INTS2: variants seen among roughly 807,000 people sequenced by gnomAD.
The protein encoded by INTS2 is integrator complex subunit 2.
INTS2 carries 57 observed loss-of-function variants against 139.6 expected under a neutral mutation model. The ratio of observed to expected loss-of-function variants is 0.41; its 90% confidence interval spans 0.33 to 0.51. INTS2 has a LOEUF of 0.51. Among genes scored for constraint, INTS2 ranks in the 20% least tolerant of loss-of-function variants. The pLI is 0.28. For missense variants in INTS2, 1,196 were observed against 1,436.7 expected (o/e 0.83, Z 2.71); for synonymous variants, 473 against 493.4 (o/e 0.96, Z 0.55).
In INTS2 at chr17:61,875,161, C is replaced by G; in HGVS notation, c.2457-123G>C. 1 of 650,132 alleles carries G rather than the reference C, an allele frequency of 1.5e-6. No individual in the cohort carries two copies. The highest frequency in any genetic ancestry group is 2.3e-6 in the Non-Finnish European group (1 of 432,768). The allele number at this position is 650,132 out of a possible 1,614,324, so 40.3% of individuals were successfully genotyped here. Reference sequence around the variant, plus strand: ...TAATTAGAAAATACATATGAATGAACTTTGAAAAAATTTAAGCTACAGACA... The same window carrying G: ...TAATTAGAAAATACATATGAATGAAGTTTGAAAAAATTTAAGCTACAGACA... On this transcript the variant is annotated intron_variant, in intron 18 of 24. Coordinates refer to ENST00000251334, the MANE Select transcript of INTS2 (RefSeq NM_001351695.2). The surrounding 1 kb of genome is among the most constrained non-coding windows in gnomAD (Gnocchi z 4.6).
At chr17:61,877,848 T>A in intron 18 of INTS2, 39 bp downstream of exon 18, 2 of 1,500,734 alleles carry the variant, frequency 1.3e-6, no homozygotes, top group African/African-American at 1.4e-5. Context: ...ATCCCTGCTA[T>A]ATAATTATCT....
rs2079509187 is a variant in INTS2, at chr17:61,909,889, A to G, written c.954+1631T>C. 6.6e-6 allele frequency among the ~76,000 whole-genome samples: 1 copy of G among 151,400 alleles called. No homozygotes were observed. The highest frequency in any genetic ancestry group is 2.4e-5 in the African/African-American group (1 of 41,158). ...TATATCACATTTTCTTTAAGCAACC[A>G]TCCGTTGATAGATGCTTAGGTTGAT... On this transcript the variant is annotated intron_variant, in intron 7 of 24. Coordinates refer to ENST00000251334, the MANE Select transcript of INTS2 (RefSeq NM_001351695.2). The surrounding 1 kb of genome is among the most constrained non-coding windows in gnomAD (Gnocchi z 4.9).
chr17:61,884,763 G>A (rs2079210065), intron 16 of INTS2, 138 bp downstream of exon 16: 1 of 647,308 alleles, frequency 1.5e-6, no homozygotes, highest in African/African-American at 1.9e-5. Flanking sequence ...AATAGATTTA[G>A]TGAGGGAGGC....
chr17:61,926,753 CT>C lies in INTS2; in HGVS notation c.-18-92del. On this transcript the variant is annotated intron_variant, in intron 1 of 24. Transcript: ENST00000251334. ...AAAAACCCTGAAAAATGTGGTGTAT[CT>C]TTAATAGGTCCCTATGTTGGCAATG... 5.2e-6 allele frequency: 5 copies of C among 964,346 alleles called. No homozygotes were observed. The East Asian group carries it at 1.3e-4, about 25-fold the overall frequency. 59.7% of individuals were successfully genotyped at this position (964,346 alleles called of 1,614,324 possible). A position where few individuals can be genotyped will look rare whatever the true frequency, so the allele number is the denominator to read the frequency against.
intron 17 of INTS2, among the ~76,000 whole-genome samples, 183 bp downstream of exon 17, chr17:61,880,824 A>C (rs1306591882): frequency 9.9e-6 from 1 of 101,508 alleles, no homozygotes; most frequent in African/African-American, 4.0e-5. Context: ...AAAGGAGGAA[A>C]GGGGGGAGGG....
rs1409175711 is a variant in INTS2, at chr17:61,927,876, G to A, written c.-241C>T. 6.2e-7 allele frequency: 1 copy of A among 1,613,894 alleles called. No individual in the cohort carries two copies. Among genetic ancestry groups the A allele is most frequent in the Non-Finnish European group, 8.5e-7 (1 of 1,179,872 alleles). On this transcript the variant is annotated 5_prime_UTR_variant, in exon 1 of 25. Coordinates refer to ENST00000251334, the MANE Select transcript of INTS2 (RefSeq NM_001351695.2). ...GGAAGGATGGGGGCACCACACAAAG[G>A]CAGAACCGGGACTGTAGGAACGGAA...
chr17:61,873,373 A>G lies in INTS2; in HGVS notation c.2583-913T>C, dbSNP rs1282422515. On this transcript the variant is annotated intron_variant, in intron 19 of 24. Transcript: ENST00000251334. The surrounding 1 kb of genome is among the most constrained non-coding windows in gnomAD (Gnocchi z 4.0). ...ACCCCCAACTCAAAAAATAAAAATAAATTTGAAATAAGAACATTAACATGA... is the reference window on the plus strand; with the variant it reads ...ACCCCCAACTCAAAAAATAAAAATAGATTTGAAATAAGAACATTAACATGA... Among the ~76,000 whole-genome samples the G allele has an allele frequency of 6.6e-6, 1 of 152,166 alleles. No individual in the cohort carries two copies. Among genetic ancestry groups the G allele is most frequent in the African/African-American group, 2.4e-5 (1 of 41,438 alleles).
rs1297492233 is a variant in INTS2 at position 61,927,945 on chromosome 17, C to T, written c.-310G>A. On this transcript the variant is annotated 5_prime_UTR_variant, in exon 1 of 25. Coordinates refer to ENST00000251334, the MANE Select transcript of INTS2 (RefSeq NM_001351695.2). Reference sequence around the variant, plus strand: ...ACCTGCACCCAGCACCTTCATTCATCCCCAGCGTCTGACTCCCGTCGGCCA... The same window carrying T: ...ACCTGCACCCAGCACCTTCATTCATTCCCAGCGTCTGACTCCCGTCGGCCA... 5 of 1,613,856 alleles carry T rather than the reference C, an allele frequency of 3.1e-6. No individual in the cohort carries two copies. The Admixed American group carries it at 6.7e-5, about 22-fold the overall frequency.
chr17:61,869,635 T>A lies in INTS2; in HGVS notation c.3030+102A>T, dbSNP rs1394172085. On this transcript the variant is annotated intron_variant, in intron 21 of 24. Coordinates refer to ENST00000251334, the MANE Select transcript of INTS2 (RefSeq NM_001351695.2). The surrounding 1 kb of genome is among the most constrained non-coding windows in gnomAD (Gnocchi z 5.4). ...CATATTGCAAAAGCCCATGGATCAT[T>A]TGTGTTTTCTCTGGTTTCTAAATGA... 1 of 1,362,712 alleles carries A rather than the reference T, an allele frequency of 7.3e-7. No homozygotes were observed. Among genetic ancestry groups the A allele is most frequent in the Non-Finnish European group, 1.0e-6 (1 of 998,074 alleles). The allele number at this position is 1,362,712 out of a possible 1,614,324, so 84.4% of individuals were successfully genotyped here.
At chr17:61,917,634 G>A (rs1410690619) in intron 5 of INTS2, among the ~76,000 whole-genome samples, 1 of 152,150 alleles carries the variant, frequency 6.6e-6, no homozygotes, top group African/African-American at 2.4e-5. Flanking sequence ...CAGTGGGGAG[G>A]AAGAAAGGGG....
At chr17:61,874,102 A>G (rs1372383349) in intron 19 of INTS2, 1 of 152,176 alleles carries the variant, frequency 6.6e-6, no homozygotes, top group Non-Finnish European at 1.5e-5. Flanking sequence ...TAAATAAAGC[A>G]GTGGGAGTGA....
At position 61,909,814 on chromosome 17, in the gene INTS2, CATGTGTGTATGTGT is replaced by C. The variant is rs761320066; in HGVS notation, c.954+1692_954+1705del. Among the ~76,000 whole-genome samples the C allele has an allele frequency of 2.2e-4, 19 of 85,160 alleles. No individual in the cohort carries two copies. Among genetic ancestry groups the C allele is most frequent in the African/African-American group, 3.0e-4 (7 of 23,390 alleles). The allele number at this position is 85,160 out of a possible 152,430, so 55.9% of individuals were successfully genotyped here. On this transcript the variant is annotated intron_variant, in intron 7 of 24. Transcript: ENST00000251334. This position sits in a 1 kb window ranked among gnomAD's most constrained non-coding sequence, Gnocchi z 4.9. The stretch of plus-strand genomic sequence containing the variant: ...GTATACATATATACGTGTGTGTGTA[CATGTGTGTATGTGT>C]GTGTGTGTGTGTGTGTGTGTGTGTG...
Position 61,869,086 on chromosome 17 carries a change from CTT to C in INTS2, c.3190_3191del (p.Lys1064ValfsTer3). Reference protein sequence around the residue: ...SHLCIQYALPKSLSVARLAVN... With the variant: ...SHLCIQYALPXSLSVARLAVN... ...CAGCTAAACGAGCCACACTAAGTGA[CTT>C]TGGTAATGCATATTGTATACACAAG... On this transcript the variant is annotated frameshift_variant, in exon 23 of 25. Transcript: ENST00000251334. LOFTEE classifies it high-confidence loss of function. This position sits in a 1 kb window ranked among gnomAD's most constrained non-coding sequence, Gnocchi z 5.4. 1 of 1,613,092 alleles carries C rather than the reference CTT, an allele frequency of 6.2e-7. No homozygotes were observed. Among genetic ancestry groups the C allele is most frequent in the East Asian group, 2.2e-5 (1 of 44,824 alleles).
At chr17:61,900,457 T>C (rs946101835) in intron 9 of INTS2, among the ~76,000 whole-genome samples, 4 of 152,164 alleles carry the variant, frequency 2.6e-5, no homozygotes, top group African/African-American at 9.7e-5. Context: ...ATTCTGAAAG[T>C]AGGAGAATTA....
rs1327479368 is a variant in INTS2, at chr17:61,866,865, T to C, written c.*692A>G. ...TACACCAGTATCTTAAAATTCCAAA[T>C]TATTCAAGTATCTCTTTAAACATAT... On this transcript the variant is annotated 3_prime_UTR_variant, in exon 25 of 25. Coordinates refer to ENST00000251334, the MANE Select transcript of INTS2 (RefSeq NM_001351695.2). 1.3e-5 allele frequency: 2 copies of C among 152,254 alleles called. No homozygotes were observed. The highest frequency in any genetic ancestry group is 2.9e-5 in the Non-Finnish European group (2 of 68,036). 9.4% of individuals were successfully genotyped at this position (152,254 alleles called of 1,614,324 possible).
intron 5 of INTS2, among the ~76,000 whole-genome samples, chr17:61,915,170 C>T (rs1018741111): frequency 7.9e-5 from 12 of 151,736 alleles, no homozygotes; most frequent in Non-Finnish European, 1.6e-4. Flanking sequence ...AACCCCGTCT[C>T]TACTAAAAAC....
intron 3 of INTS2, among the ~76,000 whole-genome samples, chr17:61,922,105 T>C (rs1255255041): frequency 1.3e-5 from 2 of 152,090 alleles, no homozygotes; most frequent in African/African-American, 2.4e-5. Context: ...GCCAAAGAAA[T>C]GAACTACAAA....
At position 61,877,912 on chromosome 17, in the gene INTS2, C is replaced by T. The variant is rs201939850; in HGVS notation, c.2431G>A (p.Val811Ile). 164 of 1,613,324 alleles carry T rather than the reference C, an allele frequency of 1.0e-4. No homozygotes were observed. The highest frequency in any genetic ancestry group is 1.2e-4 in the Non-Finnish European group (143 of 1,179,426). Reference protein sequence around the residue: ...ILQTVNKLWMVLNTVMPRRLW... With the variant: ...ILQTVNKLWMILNTVMPRRLW... ...CTTCTAGGCATCACAGTATTAAGAA[C>T]CATCCATAGTTTATTGACTGTTTGC... The change falls in exon 18 of 25, where the codon GTT becomes ATT. Residue 811 changes from valine to isoleucine, a missense_variant. Around this residue, in one of 3 missense-constraint regions of INTS2, gnomAD observed 1,129 missense variants for 1,341.9 expected, o/e 0.84. Coordinates refer to ENST00000251334, the MANE Select transcript of INTS2 (RefSeq NM_001351695.2).
At position 61,881,006 on chromosome 17, in the gene INTS2, C is replaced by T; in HGVS notation, c.2254+1G>A. ...AAAGGAGTATCAATAATTTACTATACCTTCTTGGAGTTGTTTGGGAGAATG... is the reference window on the plus strand; with the variant it reads ...AAAGGAGTATCAATAATTTACTATATCTTCTTGGAGTTGTTTGGGAGAATG... On this transcript the variant is annotated splice_donor_variant, in intron 17 of 24. Transcript: ENST00000251334. LOFTEE classifies it high-confidence loss of function. 6.2e-7 allele frequency: 1 copy of T among 1,611,626 alleles called. No individual in the cohort carries two copies. The highest frequency in any genetic ancestry group is 8.5e-7 in the Non-Finnish European group (1 of 1,177,952).
Sources: allele counts gnomAD v4.1 joint callset (sites outside exome capture counted in the v4.1 genomes callset), GRCh38; gene constraint gnomAD v4.1.1; regional missense constraint gnomAD v4.1.1; non-coding constraint Gnocchi (gnomAD v3.1); transcripts MANE v1.5; gene names NCBI Gene and HGNC (gene_info 2026-07-23, HGNC 2026-07-21).